C3orf70: variants seen among roughly 807,000 people sequenced by gnomAD.
C3orf70 encodes chromosome 3 open reading frame 70, also known as UPF0524 protein C3orf70.
Under a neutral mutation model 20.7 loss-of-function variants are expected in C3orf70, and 15 were observed. The ratio of observed to expected loss-of-function variants is 0.72; its 90% CI spans 0.48 to 1.11. The LOEUF is 1.11. Ranked by LOEUF, C3orf70 falls within the 50% of genes most tolerant of loss-of-function variation. C3orf70 has a pLI of 0.00. For synonymous variants in C3orf70, 161 were observed against 125.7 expected, an observed-to-expected ratio of 1.28 and a Z score of -1.88; for missense variants, 332 against 317.6, an observed-to-expected ratio of 1.05 and a Z score of -0.34.
intron 1 of C3orf70, among the ~76,000 whole-genome samples, chr3:185,089,094 C>T (rs545136542): frequency 1.3e-5 from 2 of 152,264 alleles, no homozygotes; most frequent in South Asian, 2.1e-4. Context: ...AAGATGCCCA[C>T]GAAAGAACAC....
At chr3:185,104,321 A>G (rs931795158) in intron 1 of C3orf70, among the ~76,000 whole-genome samples, 5 of 152,210 alleles carry the variant, frequency 3.3e-5, no homozygotes, top group Non-Finnish European at 7.3e-5. Flanking sequence ...AAGTCAAAGA[A>G]TAACAGGTGT....
At chr3:185,151,137 C>A (rs1716981505) in intron 1 of C3orf70, among the ~76,000 whole-genome samples, 1 of 152,168 alleles carries the variant, frequency 6.6e-6, no homozygotes. Context: ...TAGAAAGTAA[C>A]TGATTTCAGC....
At chr3:185,122,117 G>C (rs940966576) in intron 1 of C3orf70, among the ~76,000 whole-genome samples, 5 of 140,400 alleles carry the variant, frequency 3.6e-5, no homozygotes, top group Admixed American at 1.4e-4. Context: ...AAAAAAAAAA[G>C]CAAGAGTATA....
intron 1 of C3orf70, among the ~76,000 whole-genome samples, chr3:185,097,679 G>T (rs1715736634): frequency 6.6e-6 from 1 of 152,166 alleles, no homozygotes; most frequent in Non-Finnish European, 1.5e-5. Context: ...CTTTTCCCAG[G>T]AACCTGGAAT....
chr3:185,108,497 A>G (rs552871438), intron 1 of C3orf70, among the ~76,000 whole-genome samples: 10 of 152,390 alleles, frequency 6.6e-5, no homozygotes, highest in African/African-American at 2.4e-4. Flanking sequence ...AGTTAGAATT[A>G]GAATGCACCC....
chr3:185,118,302 G>A (rs1241229220), intron 1 of C3orf70, among the ~76,000 whole-genome samples: 1 of 152,160 alleles, frequency 6.6e-6, no homozygotes, highest in Admixed American at 6.5e-5. Context: ...CTCCGTTCTA[G>A]AAGTCTTCCT....
At chr3:185,143,720 T>A (rs1716802148) in intron 1 of C3orf70, among the ~76,000 whole-genome samples, 1 of 152,184 alleles carries the variant, frequency 6.6e-6, no homozygotes, top group South Asian at 2.1e-4. Context: ...CTCTATTAAC[T>A]AGCATTCTTG....
At chr3:185,094,770 T>C (rs1043582249) in intron 1 of C3orf70, among the ~76,000 whole-genome samples, 4 of 152,174 alleles carry the variant, frequency 2.6e-5, no homozygotes, top group South Asian at 2.1e-4. Flanking sequence ...GTCATACTTA[T>C]CCACCTGGAG....
intron 1 of C3orf70, among the ~76,000 whole-genome samples, chr3:185,150,792 A>G (rs1249998803): frequency 1.3e-5 from 2 of 152,228 alleles, no homozygotes; most frequent in African/African-American, 4.8e-5. Context: ...TGTTCAGAAG[A>G]GAACAACCAA....
chr3:185,114,737 A>C lies in C3orf70; in HGVS notation c.197-31174T>G, dbSNP rs1451808541. ...TGGAAATGCTCTAGTCTAATTCTTT[A>C]ATTTTAAAAAAGAAGGAAAATGAGG... On this transcript the variant is annotated intron_variant, in intron 1 of 1. Coordinates refer to ENST00000335012, the MANE Select transcript of C3orf70 (RefSeq NM_001025266.3). Among the ~76,000 whole-genome samples, 4 of 152,232 alleles carry C rather than the reference A, an allele frequency of 2.6e-5. No individual in the cohort carries two copies. In the East Asian group the frequency reaches 7.7e-4, roughly 29 times the overall value.
intron 1 of C3orf70, among the ~76,000 whole-genome samples, chr3:185,104,266 T>C (rs923569452): frequency 6.6e-6 from 1 of 152,174 alleles, no homozygotes; most frequent in Admixed American, 6.6e-5. Context: ...ACAAGACCAG[T>C]AACCCTGACC....
At chr3:185,143,277 T>C (rs1401461935) in intron 1 of C3orf70, among the ~76,000 whole-genome samples, 2 of 152,254 alleles carry the variant, frequency 1.3e-5, no homozygotes, top group Middle Eastern at 3.4e-3. Context: ...AGAGAGTGTG[T>C]AGTCAGAAAA....
At chr3:185,136,150 G>A (rs1243318294) in intron 1 of C3orf70, among the ~76,000 whole-genome samples, 1 of 152,084 alleles carries the variant, frequency 6.6e-6, no homozygotes, top group Non-Finnish European at 1.5e-5. Flanking sequence ...AAAGAAAGCA[G>A]TTATGGCTAT....
chr3:185,091,957 ATATATATTT>A (rs1561331085), intron 1 of C3orf70, among the ~76,000 whole-genome samples: 30 of 6,998 alleles, frequency 4.3e-3, no homozygotes, highest in South Asian at 0.014. Flanking sequence ...ATATATATAT[ATATATATTT>A]TTTTTTTTTT....
intron 1 of C3orf70, among the ~76,000 whole-genome samples, chr3:185,150,628 A>T (rs1028613702): frequency 9.2e-5 from 14 of 152,226 alleles, no homozygotes; most frequent in Admixed American, 9.2e-4. Context: ...AAGATATCAG[A>T]AAAGCTAATG....
At chr3:185,119,636 T>A (rs1229769515) in intron 1 of C3orf70, among the ~76,000 whole-genome samples, 1 of 152,182 alleles carries the variant, frequency 6.6e-6, no homozygotes, top group Non-Finnish European at 1.5e-5. Context: ...TTTCAGTTAA[T>A]CTCCGAATTT....
chr3:185,089,084 A>G (rs2108587638), intron 1 of C3orf70, among the ~76,000 whole-genome samples: 1 of 152,366 alleles, frequency 6.6e-6, no homozygotes, highest in Admixed American at 6.5e-5. Flanking sequence ...CAATTCGGAT[A>G]AGATGCCCAC....
At chr3:185,145,116 G>A (rs547296088) in intron 1 of C3orf70, among the ~76,000 whole-genome samples, 1 of 152,330 alleles carries the variant, frequency 6.6e-6, no homozygotes, top group South Asian at 2.1e-4. Context: ...ACTTCTGGTT[G>A]CCGAAGGCCT....
chr3:185,143,193 T>C (rs991690886), intron 1 of C3orf70, among the ~76,000 whole-genome samples: 7 of 152,144 alleles, frequency 4.6e-5, no homozygotes, highest in African/African-American at 1.7e-4. Context: ...CATACCGATA[T>C]ATTTTGGTAT....
Sources: gnomAD v4.1 joint callset for allele counts (sites outside exome capture counted in the v4.1 genomes callset) on GRCh38, gnomAD v4.1.1 for gene constraint, MANE v1.5 for transcripts, NCBI Gene and HGNC (gene_info 2026-07-23, HGNC 2026-07-21) for gene names.